Variants in MAGED1 observed in about 807,000 individuals in gnomAD.
MAGED1 encodes the protein MAGE family member D1, also known as melanoma-associated antigen D1.
In MAGED1, 3 loss-of-function variants were observed where a neutral mutation model predicts 54.1. That is an observed-to-expected ratio of 0.06 (90% CI 0.03 to 0.14). The LOEUF (loss-of-function observed/expected upper bound fraction) is 0.14. MAGED1 is among the 10% of genes least tolerant of loss of function. The pLI, the probability that MAGED1 is intolerant of heterozygous loss-of-function variation, is 1.00. For missense variants in MAGED1, 485 were observed against 623.4 expected, an observed-to-expected ratio of 0.78 and a Z score of 2.36; for synonymous variants, 217 against 227.3, an observed-to-expected ratio of 0.95 and a Z score of 0.41.
intron 1 of MAGED1, among the ~76,000 whole-genome samples, chrX:51,864,187 AGAGTGTGT>A (rs1193429817): frequency 2.0e-4 from 19 of 95,630 alleles, no homozygotes; most frequent in African/African-American, 6.7e-4. Context: ...AGAGAGAGAG[AGAGTGTGT>A]GTGTGTGTGT....
chrX:51,873,534 T>TGTGTGA (rs1557361798), intron 1 of MAGED1, among the ~76,000 whole-genome samples: 2 of 90,567 alleles, frequency 2.2e-5, no homozygotes, highest in Non-Finnish European at 2.2e-5. Flanking sequence ...TGTGTGTGTG[T>TGTGTGA]GAGAGAGAGA....
intron 1 of MAGED1, among the ~76,000 whole-genome samples, chrX:51,811,501 A>G (rs1925218350): frequency 9.0e-6 from 1 of 111,586 alleles, no homozygotes; most frequent in Non-Finnish European, 1.9e-5. Context: ...AGTGTGGGAG[A>G]ATCACTAGGC....
In MAGED1 at chrX:51,896,700, A is replaced by C. The variant is rs1928767003; in HGVS notation, c.1045A>C (p.Ile349Leu). The change falls in exon 4 of 13, where the codon ATC becomes CTC. Residue 349 changes from isoleucine to leucine, a missense_variant. Coordinates refer to ENST00000326587, the MANE Select transcript of MAGED1 (RefSeq NM_006986.4). ...CCCAGTGATTTGGCCAAACCCAGTA[A>C]TCTGGCAGAACCCAGTGATCTGGCC... ...QNPVIWPNPV[I>L]WQNPVIWPNP... 1 of 1,211,322 alleles carries C rather than the reference A, an allele frequency of 8.3e-7. No homozygotes were observed. Among genetic ancestry groups the C allele is most frequent in the Non-Finnish European group, 1.1e-6 (1 of 895,315 alleles).
intron 7 of MAGED1, 90 bp from the exon 8 acceptor site, chrX:51,898,024 G>A (rs782753299): frequency 1.1e-6 from 1 of 931,457 alleles, no homozygotes; most frequent in Non-Finnish European, 1.5e-6. Flanking sequence ...TCCCCTAGCT[G>A]AGGAATATTG....
intron 1 of MAGED1, among the ~76,000 whole-genome samples, chrX:51,863,756 T>C (rs1557360858): frequency 8.9e-6 from 1 of 112,145 alleles, no homozygotes; most frequent in Non-Finnish European, 1.9e-5. Context: ...AATATACCTG[T>C]TGGGCATTTG....
chrX:51,895,745 C>A lies in MAGED1; in HGVS notation c.738C>A (p.Gly246=). ...QNLESRTIIR[G]KRTRKINNLN... ...TGGAGTCCCGGACAATAATTCGGGG[C>A]AAGAGGACCCGCAAGGTGAGATCTC... Residue 246 remains glycine (G), a synonymous_variant, in exon 3 of 13, where the codon GGC becomes GGA. Transcript: ENST00000326587. 1.7e-6 allele frequency: 2 copies of A among 1,171,515 alleles called. No individual in the cohort carries two copies. Among genetic ancestry groups the A allele is most frequent in the Middle Eastern group, 2.3e-4 (1 of 4,287 alleles).
At chrX:51,887,091 CAAA>C (rs139578352) in intron 1 of MAGED1, among the ~76,000 whole-genome samples, 275 of 76,786 alleles carry the variant, frequency 3.6e-3, no homozygotes, top group Non-Finnish European at 5.6e-3. Context: ...TACAATGACT[CAAA>C]AAAAAAAAAA....
intron 1 of MAGED1, among the ~76,000 whole-genome samples, chrX:51,855,406 A>G (rs1009933094): frequency 9.0e-6 from 1 of 111,222 alleles, no homozygotes. Flanking sequence ...ATCATTTGCT[A>G]GGACTGTGTA....
At chrX:51,807,869 C>T (rs1208178677) in intron 1 of MAGED1, among the ~76,000 whole-genome samples, 1 of 111,763 alleles carries the variant, frequency 8.9e-6, no homozygotes, top group Non-Finnish European at 1.9e-5. Flanking sequence ...TGTTCTTTTT[C>T]TTCAATAATG....
rs782790539 is a variant in MAGED1 at position 51,895,015 on chromosome X, G to T, written c.46-38G>T. The T allele has an allele frequency of 7.2e-6, 8 of 1,112,890 alleles. No individual in the cohort carries two copies. In the South Asian group the frequency reaches 1.7e-4, roughly 23 times the overall value. The allele number at this position is 1,112,890 out of a possible 1,213,427, so 91.7% of individuals were successfully genotyped here. A position where few individuals can be genotyped will look rare whatever the true frequency, so the allele number is the denominator to read the frequency against. Reference sequence around the variant, plus strand: ...TTCCCACCCCACCTCCTGCCTCAGAGGCCCAGAGATTTAATTTTTTCCCCC... The same window carrying T: ...TTCCCACCCCACCTCCTGCCTCAGATGCCCAGAGATTTAATTTTTTCCCCC... On this transcript the variant is annotated intron_variant, in intron 2 of 12. Transcript: ENST00000326587.
chrX:51,847,239 A>G (rs782230574), intron 1 of MAGED1, among the ~76,000 whole-genome samples: 1 of 111,746 alleles, frequency 8.9e-6, no homozygotes, highest in East Asian at 2.8e-4. Flanking sequence ...TTTCCTCTGT[A>G]AAAGTAACCA....
At chrX:51,841,696 CT>C (rs1926494974) in intron 1 of MAGED1, among the ~76,000 whole-genome samples, 1 of 111,493 alleles carries the variant, frequency 9.0e-6, no homozygotes, top group Non-Finnish European at 1.9e-5. Context: ...ATAGGGAATC[CT>C]TTCCCCATTG....
intron 1 of MAGED1, among the ~76,000 whole-genome samples, chrX:51,822,857 G>A (rs1489902962): frequency 9.0e-6 from 1 of 111,456 alleles, no homozygotes; most frequent in Non-Finnish European, 1.9e-5. Context: ...GGTAGGTTGT[G>A]TTTAAGTTTT....
intron 2 of MAGED1, chrX:51,894,767 C>T: frequency 8.7e-7 from 1 of 1,151,622 alleles, no homozygotes; most frequent in Non-Finnish European, 1.1e-6. Context: ...GCTGCTACTG[C>T]ACGCCTCTTG....
At chrX:51,842,218 C>A (rs781795584) in intron 1 of MAGED1, among the ~76,000 whole-genome samples, 2 of 111,793 alleles carry the variant, frequency 1.8e-5, no homozygotes, top group East Asian at 5.6e-4. Context: ...ATTTGAAGAG[C>A]CTTTGTTTAT....
At chrX:51,850,952 TAGCACTAA>T (rs1412606119) in intron 1 of MAGED1, among the ~76,000 whole-genome samples, 2 of 111,528 alleles carry the variant, frequency 1.8e-5, no homozygotes, top group South Asian at 3.8e-4. Context: ...TACTGTGACC[TAGCACTAA>T]AGCAAAGGAA....
At chrX:51,830,277 A>G (rs1251582055) in intron 1 of MAGED1, among the ~76,000 whole-genome samples, 3 of 111,682 alleles carry the variant, frequency 2.7e-5, no homozygotes, top group Non-Finnish European at 5.6e-5. Context: ...TTGAAAATGT[A>G]TGTATAAAGA....
At chrX:51,827,908 C>T (rs1602218750) in intron 1 of MAGED1, among the ~76,000 whole-genome samples, 1 of 111,492 alleles carries the variant, frequency 9.0e-6, no homozygotes, top group Non-Finnish European at 1.9e-5. Flanking sequence ...TACTATGGCA[C>T]CTTGATTACT....
intron 1 of MAGED1, among the ~76,000 whole-genome samples, chrX:51,821,021 G>A (rs1333199307): frequency 9.0e-6 from 1 of 111,530 alleles, no homozygotes; most frequent in Non-Finnish European, 1.9e-5. Flanking sequence ...ATCATGTGCT[G>A]TTTGTCTTTT....
Sources: allele counts gnomAD v4.1 joint callset (sites outside exome capture counted in the v4.1 genomes callset), GRCh38; gene constraint gnomAD v4.1.1; transcripts MANE v1.5; gene names NCBI Gene and HGNC (gene_info 2026-07-23, HGNC 2026-07-21).